Variants in TENM4 observed in about 807,000 individuals in gnomAD.
The protein encoded by TENM4 is teneurin transmembrane protein 4, also known as teneurin-4.
In TENM4, 82 loss-of-function variants were observed where a neutral mutation model predicts 243.3. That is an observed-to-expected ratio of 0.34 (90% CI 0.28 to 0.40). The LOEUF is 0.40. Ranked by LOEUF, TENM4 falls within the 10% of genes least tolerant of loss-of-function variation. The pLI is 1.00. For synonymous variants in TENM4, 1,412 were observed against 1,456.3 expected (o/e 0.97, Z 0.69); for missense variants, 3,138 against 3,673.3 (o/e 0.85, Z 3.77).
chr11:78,705,572 G>C (rs1007864326), intron 27 of TENM4, among the ~76,000 whole-genome samples: 1 of 152,160 alleles, frequency 6.6e-6, no homozygotes, highest in Non-Finnish European at 1.5e-5. Context: ...CAGCTCCCAC[G>C]TTCTATGGTT....
At position 78,729,483 on chromosome 11, in the gene TENM4, C is replaced by T. The variant is rs780193847; in HGVS notation, c.3299G>A (p.Arg1100His). ...KVHLMVAVEG[R>H]LFRKWFAAAP... ...TGCAGCGAACCACTTCCTGAAGAGG[C>T]GGCCCTCCACCGCTACCATGAGGTG... Residue 1100 changes from arginine (R) to histidine (H), a missense_variant, in exon 22 of 34, where the codon CGC becomes CAC. Around this residue, in one of 2 missense-constraint regions of TENM4, gnomAD observed 2,467 missense variants for 3,059.1 expected, o/e 0.81. Coordinates refer to ENST00000278550, the MANE Select transcript of TENM4 (RefSeq NM_001098816.3). 6.8e-6 allele frequency: 11 copies of T among 1,612,792 alleles called. No individual in the cohort carries two copies. The highest frequency in any genetic ancestry group is 4.5e-5 in the East Asian group (2 of 44,828).
chr11:78,930,652 C>T (rs2899763), intron 6 of TENM4, among the ~76,000 whole-genome samples: 9 of 152,192 alleles, frequency 5.9e-5, no homozygotes, highest in East Asian at 5.8e-4. Context: ...CGGGCCACAA[C>T]GGGTTCTCAA....
intron 19 of TENM4, among the ~76,000 whole-genome samples, chr11:78,752,870 T>C (rs972021939): frequency 1.3e-5 from 2 of 152,066 alleles, no homozygotes; most frequent in Non-Finnish European, 2.9e-5. Context: ...TTACTTTCCA[T>C]TAAGGAAGTG....
In TENM4 at chr11:79,030,975, A is replaced by C. The variant is rs78671754; in HGVS notation, c.493+33763T>G. Among the ~76,000 whole-genome samples, 1,466 of 152,262 alleles carry C rather than the reference A, an allele frequency of 9.6e-3. 25 individuals are homozygous for C. The highest frequency in any genetic ancestry group is 0.034 in the African/African-American group (1,411 of 41,548). ...AGAGAAAGTGGGGGGAAGGCAGAGA[A>C]GGACAGAGAAAGGAGACACGAAGGT... On this transcript the variant is annotated intron_variant, in intron 6 of 33. Coordinates refer to ENST00000278550, the MANE Select transcript of TENM4 (RefSeq NM_001098816.3).
chr11:79,102,593 G>A (rs1202914603), intron 4 of TENM4, among the ~76,000 whole-genome samples: 1 of 152,230 alleles, frequency 6.6e-6, no homozygotes, highest in Non-Finnish European at 1.5e-5. Context: ...AACAGCACAT[G>A]TGAAGCCCTT....
chr11:79,068,401 T>G (rs1474743286), intron 5 of TENM4: 1 of 152,210 alleles, frequency 6.6e-6, no homozygotes, highest in Non-Finnish European at 1.5e-5. Flanking sequence ...GGAAAGGGAC[T>G]GCTCATTTTT....
At chr11:79,139,855 T>C (rs1391139816) in intron 4 of TENM4, among the ~76,000 whole-genome samples, 1 of 127,718 alleles carries the variant, frequency 7.8e-6, no homozygotes, top group Non-Finnish European at 1.6e-5. Context: ...AATATATATG[T>C]ATTTTCCATT....
At chr11:78,769,546 T>C (rs904293789) in intron 18 of TENM4, among the ~76,000 whole-genome samples, 4 of 152,240 alleles carry the variant, frequency 2.6e-5, no homozygotes, top group African/African-American at 9.6e-5. Context: ...ATGCCTGGTA[T>C]AGGGCCCAAC....
At chr11:78,725,351 G>A (rs1479150001) in intron 23 of TENM4, among the ~76,000 whole-genome samples, 1 of 152,178 alleles carries the variant, frequency 6.6e-6, no homozygotes, top group Non-Finnish European at 1.5e-5. Context: ...TCAGGCAGGT[G>A]ATATCTGACA....
chr11:79,328,698 T>A (rs1159450375), intron 1 of TENM4, among the ~76,000 whole-genome samples: 2 of 152,162 alleles, frequency 1.3e-5, no homozygotes, highest in Non-Finnish European at 2.9e-5. Flanking sequence ...TTCTACAACG[T>A]GCCCGCTTCT....
At chr11:78,981,150 T>G (rs543832369) in intron 6 of TENM4, among the ~76,000 whole-genome samples, 1 of 152,266 alleles carries the variant, frequency 6.6e-6, no homozygotes, top group Non-Finnish European at 1.5e-5. Flanking sequence ...CTATGACAGG[T>G]GTGTGTATGC....
chr11:79,372,965 T>C (rs1327007016), intron 1 of TENM4, among the ~76,000 whole-genome samples: 1 of 152,150 alleles, frequency 6.6e-6, no homozygotes, highest in Non-Finnish European at 1.5e-5. Flanking sequence ...AAGTGTATTA[T>C]TGGAGCTGTA....
chr11:78,909,158 C>A (rs375932873), intron 6 of TENM4, among the ~76,000 whole-genome samples: 3 of 152,252 alleles, frequency 2.0e-5, no homozygotes, highest in South Asian at 4.1e-4. Flanking sequence ...CAAATATGGT[C>A]CTTGACTTTG....
chr11:79,166,962 T>C (rs1026005023), intron 3 of TENM4, among the ~76,000 whole-genome samples: 3 of 151,640 alleles, frequency 2.0e-5, no homozygotes, highest in Admixed American at 6.6e-5. Context: ...GAGTGGAGGG[T>C]GGGCTATAGT....
intron 15 of TENM4, among the ~76,000 whole-genome samples, chr11:78,788,659 A>G (rs570061952): frequency 1.3e-5 from 2 of 152,384 alleles, no homozygotes; most frequent in South Asian, 4.1e-4. Flanking sequence ...AGGCATGACA[A>G]AGATCAAGCA....
intron 2 of TENM4, among the ~76,000 whole-genome samples, chr11:79,247,996 A>G (rs1413222940): frequency 1.3e-5 from 2 of 152,144 alleles, no homozygotes; most frequent in African/African-American, 4.8e-5. Flanking sequence ...GTCTACCCTG[A>G]TGGCTTGTCC....
intron 10 of TENM4, among the ~76,000 whole-genome samples, chr11:78,859,937 T>C (rs1021321984): frequency 1.3e-5 from 2 of 152,234 alleles, no homozygotes; most frequent in African/African-American, 4.8e-5. Flanking sequence ...CAAGTTCTTG[T>C]GGCTTTAGTT....
intron 6 of TENM4, among the ~76,000 whole-genome samples, chr11:78,912,825 CTT>C (rs1480208068): frequency 6.6e-6 from 1 of 152,214 alleles, no homozygotes; most frequent in Non-Finnish European, 1.5e-5. Context: ...AAACCTGTCT[CTT>C]TTAAGCATGG....
intron 6 of TENM4, among the ~76,000 whole-genome samples, chr11:79,054,198 G>C (rs1485469916): frequency 6.6e-6 from 1 of 152,136 alleles, no homozygotes; most frequent in Non-Finnish European, 1.5e-5. Flanking sequence ...ATTTACATAG[G>C]AGGGAACTGG....
Sources: gnomAD v4.1 joint callset for allele counts (sites outside exome capture counted in the v4.1 genomes callset) on GRCh38, gnomAD v4.1.1 for gene constraint, gnomAD v4.1.1 regional missense constraint, MANE v1.5 for transcripts, NCBI Gene and HGNC (gene_info 2026-07-23, HGNC 2026-07-21) for gene names.